The following SLC9A9 variants were observed in gnomAD, a reference collection of about 807,000 sequenced individuals.
SLC9A9 encodes solute carrier family 9 member A9.
SLC9A9 carries 62 observed loss-of-function variants against 77.8 expected under a neutral mutation model. That is an observed-to-expected ratio of 0.80 (90% CI 0.65 to 0.98). The LOEUF (loss-of-function observed/expected upper bound fraction) is 0.98. Ranked by LOEUF, SLC9A9 falls within the 50% of genes least tolerant of loss-of-function variation. The pLI is 0.00. For synonymous variants in SLC9A9, 320 were observed against 283.5 expected (o/e 1.13, Z -1.29); for missense variants, 775 against 774.9 (o/e 1.00, Z 0.00).
intron 12 of SLC9A9, among the ~76,000 whole-genome samples, chr3:143,391,534 A>C (rs1178228384): frequency 6.6e-6 from 1 of 152,218 alleles, no homozygotes; most frequent in Non-Finnish European, 1.5e-5. Flanking sequence ...AATTCTAAAA[A>C]TCAGAGCGCC....
chr3:143,524,563 G>A (rs2036371732), intron 9 of SLC9A9, among the ~76,000 whole-genome samples: 1 of 151,772 alleles, frequency 6.6e-6, no homozygotes, highest in Non-Finnish European at 1.5e-5. Context: ...ATATTTTTTT[G>A]AAATAAGGCC....
At chr3:143,295,918 C>A (rs576757945) in intron 14 of SLC9A9, among the ~76,000 whole-genome samples, 1 of 48,740 alleles carries the variant, frequency 2.1e-5, no homozygotes, top group East Asian at 6.1e-4. Context: ...CCCTCCCTTT[C>A]AGAAATGAGG....
At chr3:143,839,891 A>G (rs1024714582) in intron 1 of SLC9A9, among the ~76,000 whole-genome samples, 2 of 152,206 alleles carry the variant, frequency 1.3e-5, no homozygotes, top group African/African-American at 2.4e-5. Flanking sequence ...GAGACATTAC[A>G]AAGTGTTATA....
chr3:143,776,187 A>G (rs2007684428), intron 4 of SLC9A9, among the ~76,000 whole-genome samples: 1 of 152,206 alleles, frequency 6.6e-6, no homozygotes, highest in African/African-American at 2.4e-5. Context: ...ATATGTGTTT[A>G]TTTAAAATAT....
chr3:143,444,129 C>T (rs1405627448), intron 12 of SLC9A9, among the ~76,000 whole-genome samples: 2 of 152,176 alleles, frequency 1.3e-5, no homozygotes, highest in Non-Finnish European at 2.9e-5. Flanking sequence ...AATGTTTTTA[C>T]TGACTTCCTA....
intron 7 of SLC9A9, among the ~76,000 whole-genome samples, chr3:143,575,163 T>C (rs1340580182): frequency 2.0e-5 from 3 of 152,230 alleles, no homozygotes; most frequent in African/African-American, 7.2e-5. Context: ...ATTTCTATTC[T>C]ACATGAATTG....
intron 6 of SLC9A9, among the ~76,000 whole-genome samples, chr3:143,638,901 GA>G (rs1366864010): frequency 6.6e-6 from 1 of 152,194 alleles, no homozygotes; most frequent in Non-Finnish European, 1.5e-5. Context: ...CAAGTAATAT[GA>G]GCAGATTATA....
intron 1 of SLC9A9, among the ~76,000 whole-genome samples, chr3:143,841,578 A>G (rs1449676615): frequency 1.3e-5 from 2 of 152,178 alleles, no homozygotes; most frequent in Non-Finnish European, 2.9e-5. Flanking sequence ...TACATAAATA[A>G]TTTGAATCAT....
chr3:143,442,381 A>G (rs2034757707), intron 12 of SLC9A9, among the ~76,000 whole-genome samples: 1 of 152,208 alleles, frequency 6.6e-6, no homozygotes, highest in Non-Finnish European at 1.5e-5. Context: ...CAATTATAGC[A>G]TTGTTGGCTT....
chr3:143,319,254 C>T (rs550026363), intron 14 of SLC9A9, among the ~76,000 whole-genome samples: 10 of 152,146 alleles, frequency 6.6e-5, no homozygotes, highest in Admixed American at 3.9e-4. Context: ...TCAAGGTGCG[C>T]CCCAAACAGC....
At chr3:143,643,652 C>T (rs538079269) in intron 6 of SLC9A9, among the ~76,000 whole-genome samples, 4 of 152,108 alleles carry the variant, frequency 2.6e-5, no homozygotes, top group Non-Finnish European at 5.9e-5. Flanking sequence ...TAGTAATGTT[C>T]GCTTTTTAAA....
intron 6 of SLC9A9, among the ~76,000 whole-genome samples, chr3:143,610,975 A>C (rs1176231097): frequency 6.6e-6 from 1 of 152,178 alleles, no homozygotes; most frequent in Middle Eastern, 3.2e-3. Flanking sequence ...CAGAATCAAA[A>C]GGACCGAAAA....
rs913430765 is a variant in SLC9A9 at position 143,636,261 on chromosome 3, C to G, written c.755+15994G>C. 2.2e-4 allele frequency among the ~76,000 whole-genome samples: 33 copies of G among 152,028 alleles called. 1 individual carries two copies. The highest frequency in any genetic ancestry group is 1.5e-5 in the Non-Finnish European group (1 of 67,996). ...CTAATTATGTTAGATTTTTAAGATG[C>G]TATTATGAATAAAACTGTTTTCCAT... On this transcript the variant is annotated intron_variant, in intron 6 of 15. Coordinates refer to ENST00000316549, the MANE Select transcript of SLC9A9 (RefSeq NM_173653.4).
intron 11 of SLC9A9, among the ~76,000 whole-genome samples, chr3:143,480,533 T>C (rs2035555765): frequency 6.6e-6 from 1 of 152,216 alleles, no homozygotes; most frequent in African/African-American, 2.4e-5. Context: ...TAAAACATTT[T>C]TTTTGTGGCT....
At chr3:143,440,349 G>C (rs141861917) in intron 12 of SLC9A9, among the ~76,000 whole-genome samples, 21 of 152,276 alleles carry the variant, frequency 1.4e-4, no homozygotes, top group African/African-American at 4.8e-4. Context: ...TTTTGCTTAT[G>C]ATTGGCAGAG....
chr3:143,297,279 C>G (rs1242636464), intron 14 of SLC9A9, among the ~76,000 whole-genome samples: 4 of 152,094 alleles, frequency 2.6e-5, no homozygotes, highest in Admixed American at 1.3e-4. Context: ...GTCTTCTTTC[C>G]CCATTGTGGG....
chr3:143,630,544 G>A (rs2038407092), intron 6 of SLC9A9, among the ~76,000 whole-genome samples: 1 of 152,228 alleles, frequency 6.6e-6, no homozygotes, highest in South Asian at 2.1e-4. Context: ...ACTATTATCG[G>A]TGAGATTTTT....
chr3:143,320,416 G>A (rs965472273), intron 14 of SLC9A9, among the ~76,000 whole-genome samples: 1 of 152,208 alleles, frequency 6.6e-6, no homozygotes, highest in African/African-American at 2.4e-5. Flanking sequence ...CTGAGGCTGG[G>A]TGACTTATAA....
intron 14 of SLC9A9, among the ~76,000 whole-genome samples, chr3:143,333,547 G>A (rs2031837517): frequency 1.3e-5 from 2 of 152,166 alleles, no homozygotes; most frequent in East Asian, 1.9e-4. Context: ...TCATTTATAA[G>A]CCAGCAGGCT....
Sources: gnomAD v4.1 joint callset for allele counts (sites outside exome capture counted in the v4.1 genomes callset) on GRCh38, gnomAD v4.1.1 for gene constraint, MANE v1.5 for transcripts, NCBI Gene and HGNC (gene_info 2026-07-23, HGNC 2026-07-21) for gene names.